The following SGCZ variants were observed in gnomAD, a reference collection of about 807,000 sequenced individuals.
SGCZ encodes the protein zeta-sarcoglycan.
In SGCZ, 40 loss-of-function variants were observed where a neutral mutation model predicts 41.3. The ratio of observed to expected loss-of-function variants is 0.97; its 90% CI spans 0.75 to 1.26. The LOEUF (loss-of-function observed/expected upper bound fraction) is 1.26. Among genes scored for constraint, SGCZ ranks in the 50% most tolerant of loss-of-function variants. The pLI, the probability that SGCZ is intolerant of heterozygous loss-of-function variation, is 0.00. For synonymous variants in SGCZ, 206 were observed against 137.5 expected (o/e 1.50, Z -3.49); for missense variants, 552 against 369.8 (o/e 1.49, Z -4.04).
intron 1 of SGCZ, among the ~76,000 whole-genome samples, chr8:14,771,914 G>C (rs1351341348): frequency 6.6e-6 from 1 of 151,960 alleles, no homozygotes; most frequent in Non-Finnish European, 1.5e-5. Context: ...TTATAATTGG[G>C]AATGTTTTAA....
chr8:14,652,955 G>C (rs1210185153), intron 1 of SGCZ, among the ~76,000 whole-genome samples: 4 of 151,976 alleles, frequency 2.6e-5, no homozygotes, highest in East Asian at 3.9e-4. Flanking sequence ...TTGTGAATAT[G>C]GATCATGTAC....
chr8:15,104,789 G>A lies in SGCZ; in HGVS notation c.39+132796C>T, dbSNP rs114484908. On this transcript the variant is annotated intron_variant, in intron 1 of 7. Coordinates refer to ENST00000382080, the MANE Select transcript of SGCZ (RefSeq NM_139167.4). ...CTATGGAACACTCCATATTATGGAT[G>A]TATCATAAGCTTTTTAACTGTTACC... Among the ~76,000 whole-genome samples the A allele has an allele frequency of 2.8e-3, 430 of 152,258 alleles. 1 individual carries two copies. Among genetic ancestry groups the A allele is most frequent in the African/African-American group, 9.9e-3 (413 of 41,552 alleles).
chr8:14,831,392 G>C (rs1441280463), intron 1 of SGCZ, among the ~76,000 whole-genome samples: 1 of 152,022 alleles, frequency 6.6e-6, no homozygotes, highest in Non-Finnish European at 1.5e-5. Flanking sequence ...GTGTTATCTG[G>C]GGCTACCATG....
intron 1 of SGCZ, among the ~76,000 whole-genome samples, chr8:14,876,301 T>G (rs1804354432): frequency 6.6e-6 from 1 of 152,182 alleles, no homozygotes; most frequent in Non-Finnish European, 1.5e-5. Context: ...TATTTTGAGA[T>G]AAATGAAAAC....
rs370442853 is a variant in SGCZ, at chr8:14,831,115, A to C, written c.40-276189T>G. ...GTCATTTCTTCTGTAGCCTAATATG[A>C]CTCTCTTCCAATTGAAAAGTGTATA... On this transcript the variant is annotated intron_variant, in intron 1 of 7. Coordinates refer to ENST00000382080, the MANE Select transcript of SGCZ (RefSeq NM_139167.4). Among the ~76,000 whole-genome samples, 14 of 152,066 alleles carry C rather than the reference A, an allele frequency of 9.2e-5. No individual in the cohort carries two copies. The East Asian group carries it at 1.7e-3, about 19-fold the overall frequency.
At chr8:14,209,006 G>A (rs984294108) in intron 4 of SGCZ, among the ~76,000 whole-genome samples, 1 of 152,182 alleles carries the variant, frequency 6.6e-6, no homozygotes, top group Non-Finnish European at 1.5e-5. Flanking sequence ...GGTGAATGCT[G>A]GTAGCTGTGC....
chr8:14,636,083 T>C (rs893735266), intron 1 of SGCZ, among the ~76,000 whole-genome samples: 4 of 148,352 alleles, frequency 2.7e-5, no homozygotes, highest in Admixed American at 2.7e-4. Flanking sequence ...TGAAATGGCA[T>C]ATAAAAAAAT....
chr8:14,500,294 T>G (rs921197239), intron 2 of SGCZ, among the ~76,000 whole-genome samples: 1 of 152,068 alleles, frequency 6.6e-6, no homozygotes, highest in South Asian at 2.1e-4. Flanking sequence ...TGTTACAATC[T>G]CAGTTCTCTC....
At chr8:14,125,686 A>G (rs576702416) in intron 5 of SGCZ, among the ~76,000 whole-genome samples, 53 of 152,278 alleles carry the variant, frequency 3.5e-4, no homozygotes, top group African/African-American at 1.0e-3. Flanking sequence ...TCCTAAGCAA[A>G]AAGGACAAAG....
chr8:15,179,706 G>C (rs1225708601), intron 1 of SGCZ, among the ~76,000 whole-genome samples: 1 of 152,084 alleles, frequency 6.6e-6, no homozygotes, highest in Non-Finnish European at 1.5e-5. Flanking sequence ...CAACAAAAAA[G>C]GACAGCCTCC....
At chr8:14,318,064 T>G (rs939897588) in intron 3 of SGCZ, among the ~76,000 whole-genome samples, 1 of 151,978 alleles carries the variant, frequency 6.6e-6, no homozygotes, top group African/African-American at 2.4e-5. Flanking sequence ...AATCTATGTA[T>G]GCTTGAGAAT....
chr8:14,341,834 G>A (rs755267745), intron 2 of SGCZ, among the ~76,000 whole-genome samples: 29 of 152,162 alleles, frequency 1.9e-4, no homozygotes, highest in East Asian at 1.2e-3. Context: ...TTCAGCTCCC[G>A]CCATGATTCT....
intron 1 of SGCZ, among the ~76,000 whole-genome samples, chr8:14,800,999 G>A (rs757640192): frequency 6.6e-6 from 1 of 152,224 alleles, no homozygotes. Flanking sequence ...AACTAGCTCC[G>A]AATACCAGGT....
intron 1 of SGCZ, among the ~76,000 whole-genome samples, chr8:14,688,076 T>C (rs963456451): frequency 5.9e-5 from 9 of 152,168 alleles, no homozygotes; most frequent in Non-Finnish European, 1.2e-4. Context: ...TTGAGTCCAT[T>C]GTAGATTTTG....
chr8:14,579,385 A>T (rs891909439), intron 1 of SGCZ, among the ~76,000 whole-genome samples: 1 of 152,220 alleles, frequency 6.6e-6, no homozygotes, highest in Non-Finnish European at 1.5e-5. Context: ...TTCTAATTCC[A>T]TATCGAAACA....
At chr8:14,137,105 A>G (rs2116914951) in intron 5 of SGCZ, among the ~76,000 whole-genome samples, 1 of 152,320 alleles carries the variant, frequency 6.6e-6, no homozygotes, top group South Asian at 2.1e-4. Context: ...AGGAAAACCA[A>G]CAAACAGAAA....
intron 3 of SGCZ, among the ~76,000 whole-genome samples, chr8:14,261,991 C>G (rs1018945812): frequency 6.6e-6 from 1 of 151,992 alleles, no homozygotes; most frequent in Non-Finnish European, 1.5e-5. Flanking sequence ...TTAATTTGAC[C>G]AACTCCTACT....
At chr8:14,113,628 T>A (rs753380552) in intron 5 of SGCZ, among the ~76,000 whole-genome samples, 2 of 152,074 alleles carry the variant, frequency 1.3e-5, no homozygotes, top group Non-Finnish European at 2.9e-5. Context: ...TACTGAGATG[T>A]CCTTTCTTGT....
At chr8:15,018,641 G>C (rs1306168025) in intron 1 of SGCZ, among the ~76,000 whole-genome samples, 1 of 152,172 alleles carries the variant, frequency 6.6e-6, no homozygotes, top group Non-Finnish European at 1.5e-5. Flanking sequence ...GGACAGAGGG[G>C]AGAAGGTAAG....
Sources: gnomAD v4.1 joint callset for allele counts (sites outside exome capture counted in the v4.1 genomes callset) on GRCh38, gnomAD v4.1.1 for gene constraint, MANE v1.5 for transcripts, NCBI Gene and HGNC (gene_info 2026-07-23, HGNC 2026-07-21) for gene names.